Variants in MEGF9 observed in about 807,000 individuals in gnomAD.
MEGF9 encodes the protein multiple epidermal growth factor-like domains protein 9.
Under a neutral mutation model 46.8 loss-of-function variants are expected in MEGF9, and 6 were observed. The ratio of observed to expected loss-of-function variants is 0.13; its 90% CI spans 0.07 to 0.25. The LOEUF is 0.25. Ranked by LOEUF, MEGF9 falls within the 10% of genes least tolerant of loss-of-function variation. The pLI is 1.00. For synonymous variants in MEGF9, 302 were observed against 330.7 expected, an observed-to-expected ratio of 0.91 and a Z score of 0.94; for missense variants, 683 against 792.4, an observed-to-expected ratio of 0.86 and a Z score of 1.66.
chr9:120,660,046 G>GA (rs902951270), intron 1 of MEGF9, among the ~76,000 whole-genome samples: 10 of 151,196 alleles, frequency 6.6e-5, no homozygotes, highest in African/African-American at 2.4e-4. Context: ...AGAAATTAAT[G>GA]AAGAATAGAA....
At chr9:120,647,059 G>C (rs930396390) in intron 2 of MEGF9, among the ~76,000 whole-genome samples, 5 of 151,948 alleles carry the variant, frequency 3.3e-5, no homozygotes, top group African/African-American at 9.7e-5. Flanking sequence ...ACATGGTTTA[G>C]GGACGGTAAC....
chr9:120,701,926 C>T (rs1439815681), intron 1 of MEGF9, among the ~76,000 whole-genome samples: 1 of 152,052 alleles, frequency 6.6e-6, no homozygotes, highest in Admixed American at 6.6e-5. Flanking sequence ...GCCTGTAGTC[C>T]CAGCTACTTG....
chr9:120,647,388 C>T (rs2043630607), intron 2 of MEGF9, among the ~76,000 whole-genome samples: 1 of 152,080 alleles, frequency 6.6e-6, no homozygotes, highest in African/African-American at 2.4e-5. Context: ...TTTGTTTTTC[C>T]ATGAACTTAA....
chr9:120,675,756 C>T (rs535454481), intron 1 of MEGF9, among the ~76,000 whole-genome samples: 258 of 151,622 alleles, frequency 1.7e-3, no homozygotes, highest in African/African-American at 5.9e-3. Flanking sequence ...GGTGTGGTGG[C>T]GGGCGCCTGT....
At chr9:120,693,375 A>G (rs1365684570) in intron 1 of MEGF9, among the ~76,000 whole-genome samples, 4 of 152,138 alleles carry the variant, frequency 2.6e-5, no homozygotes, top group Non-Finnish European at 4.4e-5. Context: ...ACAGAAAGCA[A>G]CAGCATCCTG....
intron 1 of MEGF9, among the ~76,000 whole-genome samples, chr9:120,704,318 A>G (rs1179621391): frequency 6.6e-6 from 1 of 151,688 alleles, no homozygotes; most frequent in African/African-American, 2.4e-5. Flanking sequence ...TGGGCGACAG[A>G]GCGAGACTGT....
At position 120,622,709 on chromosome 9, in the gene MEGF9, C is replaced by T; in HGVS notation, c.850G>A (p.Asp284Asn). Residue 284 changes from aspartate (D) to asparagine (N), a missense_variant, in exon 3 of 6, where the codon GAC (aspartate) becomes AAC (asparagine). Physicochemically the swap from Asp to Asn is conservative, Grantham distance 23. Transcript: ENST00000373930. The stretch of plus-strand genomic sequence containing the variant: ...CCATAATATCCATCTTGGCATCGGT[C>T]ACATATAGAGCCAATGACACCCACT... ...CKVGVIGSICDRCQDGYYGFS... is the reference protein window; with the variant it reads ...CKVGVIGSICNRCQDGYYGFS... The T allele has an allele frequency of 6.2e-7, 1 of 1,613,704 alleles. No homozygotes were observed. The highest frequency in any genetic ancestry group is 8.5e-7 in the Non-Finnish European group (1 of 1,179,794).
intron 1 of MEGF9, among the ~76,000 whole-genome samples, chr9:120,688,394 CA>C (rs2043833939): frequency 1.3e-5 from 2 of 151,942 alleles, no homozygotes; most frequent in African/African-American, 2.4e-5. Context: ...TCAGGTGCAC[CA>C]AAATCAAGTG....
chr9:120,608,031 A>G (rs1387826221), intron 4 of MEGF9, 21 bp from the exon 5 acceptor site: 1 of 1,612,512 alleles, frequency 6.2e-7, no homozygotes, highest in African/African-American at 1.3e-5. Context: ...GAATGCCAAA[A>G]TAGTTTAGTA....
At chr9:120,658,495 G>A (rs1220977006) in intron 2 of MEGF9, among the ~76,000 whole-genome samples, 5 of 152,076 alleles carry the variant, frequency 3.3e-5, no homozygotes, top group African/African-American at 1.2e-4. Flanking sequence ...ACATGTGCTA[G>A]GCATTTTATA....
intron 4 of MEGF9, among the ~76,000 whole-genome samples, chr9:120,610,431 C>G (rs1223347383): frequency 6.6e-6 from 1 of 152,324 alleles, no homozygotes; most frequent in East Asian, 1.9e-4. Context: ...TGATGTTTCA[C>G]TCCTTCTGCC....
chr9:120,690,229 TA>T (rs1018988844), intron 1 of MEGF9, among the ~76,000 whole-genome samples: 2 of 152,082 alleles, frequency 1.3e-5, no homozygotes, highest in African/African-American at 4.8e-5. Flanking sequence ...TCCAAGGACA[TA>T]AAAATTAAAG....
chr9:120,701,314 C>T (rs914127399), intron 1 of MEGF9, among the ~76,000 whole-genome samples: 16 of 152,026 alleles, frequency 1.1e-4, no homozygotes, highest in Non-Finnish European at 4.4e-5. Flanking sequence ...TTCTTGGAAG[C>T]ATGTAAGACT....
At chr9:120,679,273 A>G (rs1587993277) in intron 1 of MEGF9, among the ~76,000 whole-genome samples, 1 of 152,186 alleles carries the variant, frequency 6.6e-6, no homozygotes, top group South Asian at 2.1e-4. Flanking sequence ...GCACATATAC[A>G]CCATGGAATA....
chr9:120,652,946 G>T (rs2043660060), intron 2 of MEGF9, among the ~76,000 whole-genome samples: 1 of 152,166 alleles, frequency 6.6e-6, no homozygotes, highest in Admixed American at 6.5e-5. Context: ...GGTTCAGAGA[G>T]GTCAAACAGC....
chr9:120,669,969 C>A (rs1212198304), intron 1 of MEGF9, among the ~76,000 whole-genome samples: 1 of 152,030 alleles, frequency 6.6e-6, no homozygotes, highest in Non-Finnish European at 1.5e-5. Context: ...TTCTTTTAAT[C>A]CAGAATTGGA....
In MEGF9 at chr9:120,612,436, G is replaced by A; in HGVS notation, c.1047C>T (p.Cys349=). 6.2e-7 allele frequency: 1 copy of A among 1,613,596 alleles called. No individual in the cohort carries two copies. The highest frequency in any genetic ancestry group is 1.1e-5 in the South Asian group (1 of 91,048). The part of the protein sequence containing the change: ...SPDATKECLR[C]PCSAVTSTGS... Reference sequence around the variant, plus strand: ...CTGTAGATGTCACTGCTGAACAAGGGCAGCGAAGACATTCTTTAGTGGCAT... The same window carrying A: ...CTGTAGATGTCACTGCTGAACAAGGACAGCGAAGACATTCTTTAGTGGCAT... Residue 349 remains cysteine (C), a synonymous_variant, in exon 4 of 6, where the codon TGC becomes TGT. Coordinates refer to ENST00000373930, the MANE Select transcript of MEGF9 (RefSeq NM_001080497.3).
chr9:120,648,892 T>G (rs1444489659), intron 2 of MEGF9, among the ~76,000 whole-genome samples: 1 of 152,196 alleles, frequency 6.6e-6, no homozygotes, highest in African/African-American at 2.4e-5. Flanking sequence ...CTTCATAAGT[T>G]TGCCTTTTAA....
intron 2 of MEGF9, among the ~76,000 whole-genome samples, chr9:120,649,627 T>G (rs2043640948): frequency 6.6e-6 from 1 of 152,254 alleles, no homozygotes; most frequent in Non-Finnish European, 1.5e-5. Flanking sequence ...TTACTTGTTA[T>G]TAATTTTTCT....
Sources: allele counts gnomAD v4.1 joint callset (sites outside exome capture counted in the v4.1 genomes callset), GRCh38; gene constraint gnomAD v4.1.1; transcripts MANE v1.5; gene names NCBI Gene and HGNC (gene_info 2026-07-23, HGNC 2026-07-21).